The following ERO1A variants were observed in gnomAD, a reference collection of about 807,000 sequenced individuals.
The protein encoded by ERO1A is ERO1-like protein alpha.
In ERO1A, 49 loss-of-function variants were observed where a neutral mutation model predicts 76.9. The observed-to-expected ratio is 0.64, with a 90% CI of 0.51 to 0.81. The LOEUF is 0.81. Among genes scored for constraint, ERO1A ranks in the 30% least tolerant of loss-of-function variants. ERO1A has a pLI of 0.00. For missense variants in ERO1A, 448 were observed against 542.1 expected (o/e 0.83, Z 1.72); for synonymous variants, 174 against 181.2 (o/e 0.96, Z 0.32).
At position 52,695,553 on chromosome 14, in the gene ERO1A, T is replaced by A. The variant is rs950236718; in HGVS notation, c.-72A>T. On this transcript the variant is annotated 5_prime_UTR_variant, in exon 1 of 16. Transcript: ENST00000395686. ...ACGCTCGGTCGCGGGCCGTGCGCCC[T>A]CAGATGAAGCCCGTGCGGGCCGGCC... The A allele has an allele frequency of 1.7e-6, 2 of 1,148,458 alleles. No individual in the cohort carries two copies. The highest frequency in any genetic ancestry group is 3.2e-5 in the African/African-American group (2 of 62,032). 71.1% of individuals were successfully genotyped at this position (1,148,458 alleles called of 1,614,324 possible). A position where few individuals can be genotyped will look rare whatever the true frequency, so the allele number is the denominator to read the frequency against.
rs928140761 is a variant in ERO1A at position 52,641,307 on chromosome 14, TAAAAA to T, written c.*2258_*2262del. On this transcript the variant is annotated 3_prime_UTR_variant, in exon 16 of 16. Transcript: ENST00000395686. ...ATATTCCTTCAAAAAGATTGGCAGC[TAAAAA>T]AAAAAGAGGCCGGGCGTGGTGGCTC... is the stretch of plus-strand genomic sequence containing the variant. 2 of 144,436 alleles carry T rather than the reference TAAAAA, an allele frequency of 1.4e-5. No homozygotes were observed. Among genetic ancestry groups the T allele is most frequent in the African/African-American group, 5.1e-5 (2 of 39,422 alleles). 8.9% of individuals were successfully genotyped at this position (144,436 alleles called of 1,614,324 possible). A position where few individuals can be genotyped will look rare whatever the true frequency, so the allele number is the denominator to read the frequency against.
At position 52,643,602 on chromosome 14, in the gene ERO1A, T is replaced by C; in HGVS notation, c.1375A>G (p.Asn459Asp). The change falls in exon 16 of 16, where the codon AAC (asparagine) becomes GAC (aspartate). Residue 459 changes from asparagine to aspartate, a missense_variant. Transcript: ENST00000395686. The part of the protein sequence containing the change: ...RISTSVKELE[N>D]FRNLLQNIH ...ATATTCTGTAACAAGTTCCTGAAGT[T>C]TTCTAATTCTTTCACACTTGTAGAA... The C allele has an allele frequency of 6.8e-6, 10 of 1,478,472 alleles. No homozygotes were observed. The Middle Eastern group carries it at 7.1e-4, about 105-fold the overall frequency. 91.6% of individuals were successfully genotyped at this position (1,478,472 alleles called of 1,614,324 possible). A position where few individuals can be genotyped will look rare whatever the true frequency, so the allele number is the denominator to read the frequency against.
chr14:52,653,567 T>C (rs1290785210), intron 11 of ERO1A, among the ~76,000 whole-genome samples: 5 of 151,886 alleles, frequency 3.3e-5, no homozygotes, highest in Non-Finnish European at 1.5e-5. Flanking sequence ...TAAAAATCAT[T>C]CTTAATTTTT....
chr14:52,655,163 G>C (rs2040002265), intron 11 of ERO1A, among the ~76,000 whole-genome samples: 1 of 152,058 alleles, frequency 6.6e-6, no homozygotes, highest in Non-Finnish European at 1.5e-5. Context: ...TCAGGAGTTT[G>C]AGACCAGCCT....
intron 3 of ERO1A, among the ~76,000 whole-genome samples, chr14:52,679,806 T>C (rs2040926557): frequency 6.6e-6 from 1 of 152,156 alleles, no homozygotes; most frequent in Non-Finnish European, 1.5e-5. Context: ...ATCCCAGCAC[T>C]TTGGGATGCC....
At chr14:52,672,746 T>C (rs1384086827) in intron 4 of ERO1A, among the ~76,000 whole-genome samples, 1 of 133,086 alleles carries the variant, frequency 7.5e-6, no homozygotes, top group African/African-American at 2.9e-5. Flanking sequence ...CATTCCAGCC[T>C]GGGCAACAGA....
chr14:52,645,249 T>A (rs567792706), intron 15 of ERO1A, among the ~76,000 whole-genome samples: 1 of 151,798 alleles, frequency 6.6e-6, no homozygotes, highest in Non-Finnish European at 1.5e-5. Flanking sequence ...ATAAGATGAA[T>A]ATTAAAATTC....
intron 4 of ERO1A, among the ~76,000 whole-genome samples, chr14:52,673,387 G>A (rs1318379835): frequency 6.6e-6 from 1 of 152,166 alleles, no homozygotes; most frequent in Non-Finnish European, 1.5e-5. Context: ...ACCACATCTA[G>A]CCATTTTGCC....
chr14:52,682,243 A>G (rs1380043619), intron 3 of ERO1A, 82 bp downstream of exon 3: 17 of 1,159,216 alleles, frequency 1.5e-5, no homozygotes, highest in Non-Finnish European at 2.1e-5. Flanking sequence ...TTTCAAAAAA[A>G]AATTCTTAAA....
chr14:52,664,963 C>G (rs2040359267), intron 7 of ERO1A, among the ~76,000 whole-genome samples: 1 of 151,882 alleles, frequency 6.6e-6, no homozygotes, highest in Non-Finnish European at 1.5e-5. Flanking sequence ...TCTTAATTCA[C>G]ACTAAAAATA....
At chr14:52,672,517 C>G (rs1456677057) in intron 4 of ERO1A, among the ~76,000 whole-genome samples, 1 of 151,450 alleles carries the variant, frequency 6.6e-6, no homozygotes, top group Non-Finnish European at 1.5e-5. Context: ...GCCTGAAATC[C>G]CAGCACTTTG....
intron 12 of ERO1A, 75 bp downstream of exon 12, chr14:52,652,994 C>CAAA: frequency 3.5e-6 from 3 of 850,746 alleles, no homozygotes; most frequent in Non-Finnish European, 3.4e-6. Flanking sequence ...GAGCCTGTCT[C>CAAA]AAAAAAAAAA....
chr14:52,651,721 A>G (rs1188879167), intron 13 of ERO1A, among the ~76,000 whole-genome samples: 1 of 152,174 alleles, frequency 6.6e-6, no homozygotes, highest in African/African-American at 2.4e-5. Context: ...TTTAATGTAT[A>G]TTTACAATAT....
chr14:52,683,130 C>T (rs2041055169), intron 2 of ERO1A, among the ~76,000 whole-genome samples: 1 of 152,048 alleles, frequency 6.6e-6, no homozygotes, highest in African/African-American at 2.4e-5. Flanking sequence ...ATTGCCTGAA[C>T]CCAGGAGGCG....
intron 8 of ERO1A, among the ~76,000 whole-genome samples, chr14:52,662,934 G>A (rs1460004600): frequency 6.6e-6 from 1 of 152,122 alleles, no homozygotes; most frequent in Non-Finnish European, 1.5e-5. Flanking sequence ...ATGCTACACA[G>A]TGGGAAAGGC....
intron 6 of ERO1A, among the ~76,000 whole-genome samples, chr14:52,671,113 T>G (rs1032458469): frequency 6.6e-6 from 1 of 152,260 alleles, no homozygotes; most frequent in African/African-American, 2.4e-5. Flanking sequence ...CTTTGGTGCC[T>G]GACCTATTTC....
At chr14:52,694,462 A>G (rs1055478590) in intron 1 of ERO1A, among the ~76,000 whole-genome samples, 2 of 152,186 alleles carry the variant, frequency 1.3e-5, no homozygotes, top group Non-Finnish European at 2.9e-5. Flanking sequence ...ATGCCCCTAA[A>G]CACATAAAAT....
chr14:52,690,332 A>C (rs1378417442), intron 1 of ERO1A, among the ~76,000 whole-genome samples: 2 of 152,246 alleles, frequency 1.3e-5, no homozygotes, highest in African/African-American at 2.4e-5. Flanking sequence ...ATGAAAAGGC[A>C]ACCTACAGAA....
At chr14:52,644,841 C>T (rs1035005787) in intron 15 of ERO1A, among the ~76,000 whole-genome samples, 8 of 152,008 alleles carry the variant, frequency 5.3e-5, no homozygotes, top group African/African-American at 1.7e-4. Context: ...ACAGAATAAT[C>T]AATGAAATAT....
Sources: allele counts gnomAD v4.1 joint callset (sites outside exome capture counted in the v4.1 genomes callset), GRCh38; gene constraint gnomAD v4.1.1; transcripts MANE v1.5; gene names NCBI Gene and HGNC (gene_info 2026-07-23, HGNC 2026-07-21).